The following PRKG1 variants were observed in gnomAD, a reference collection of about 807,000 sequenced individuals.
The protein encoded by PRKG1 is cGMP-dependent protein kinase 1.
Under a neutral mutation model 88.1 loss-of-function variants are expected in PRKG1, and 35 were observed. The observed-to-expected ratio is 0.40, with a 90% confidence interval of 0.30 to 0.53. The LOEUF is 0.53. Ranked by LOEUF, PRKG1 falls within the 20% of genes least tolerant of loss-of-function variation. PRKG1 has a pLI of 0.59. For synonymous variants in PRKG1, 303 were observed against 292.5 expected (o/e 1.04, Z -0.37); for missense variants, 540 against 839.8 (o/e 0.64, Z 4.41).
intron 3 of PRKG1, among the ~76,000 whole-genome samples, chr10:51,507,663 G>C (rs1841263743): frequency 6.6e-6 from 1 of 152,090 alleles, no homozygotes. Flanking sequence ...GAGTGACCTG[G>C]TTGAGAGAAA....
At chr10:51,342,066 T>G (rs1228168219) in intron 2 of PRKG1, among the ~76,000 whole-genome samples, 1 of 152,162 alleles carries the variant, frequency 6.6e-6, no homozygotes, top group Non-Finnish European at 1.5e-5. Context: ...GTAACCGATA[T>G]TAGATACCAG....
intron 3 of PRKG1, among the ~76,000 whole-genome samples, chr10:51,531,788 G>A (rs897772940): frequency 2.0e-5 from 3 of 151,462 alleles, no homozygotes; most frequent in Admixed American, 6.6e-5. Context: ...GGGATTACAG[G>A]CTCCCGACAC....
chr10:51,301,683 G>A (rs1359072010), intron 2 of PRKG1, among the ~76,000 whole-genome samples: 1 of 152,200 alleles, frequency 6.6e-6, no homozygotes, highest in African/African-American at 2.4e-5. Context: ...AAGCCAAGCT[G>A]GCCCAGTCAG....
chr10:52,125,588 T>C (rs1390753452), intron 7 of PRKG1: 2 of 152,152 alleles, frequency 1.3e-5, no homozygotes, highest in African/African-American at 4.8e-5. Flanking sequence ...TTGGAACACG[T>C]TTCTGTTTGT....
intron 3 of PRKG1, among the ~76,000 whole-genome samples, chr10:51,479,850 A>C (rs1226687965): frequency 6.6e-6 from 1 of 152,054 alleles, no homozygotes; most frequent in Non-Finnish European, 1.5e-5. Flanking sequence ...GCACGCCTTC[A>C]CAGCATTTGA....
chr10:51,869,325 T>C (rs1289058055), intron 4 of PRKG1, among the ~76,000 whole-genome samples: 1 of 152,190 alleles, frequency 6.6e-6, no homozygotes, highest in Admixed American at 6.5e-5. Context: ...ATGCATTGTT[T>C]ATCATAGACA....
At chr10:51,826,064 AG>A (rs2132740540) in intron 4 of PRKG1, among the ~76,000 whole-genome samples, 1 of 152,296 alleles carries the variant, frequency 6.6e-6, no homozygotes, top group East Asian at 1.9e-4. Flanking sequence ...TATTAGGGTA[AG>A]GGGCCATCAT....
intron 2 of PRKG1, among the ~76,000 whole-genome samples, chr10:51,222,802 C>A (rs113326705): frequency 0.02 from 2,995 of 152,034 alleles, 80 homozygotes; most frequent in African/African-American, 0.066. Context: ...CACAACACCC[C>A]CTCTAAGTTT....
rs574071517 is a variant in PRKG1 at position 52,083,847 on chromosome 10, T to C, written c.935+21216T>C. On this transcript the variant is annotated intron_variant, in intron 7 of 17. Coordinates refer to ENST00000373980, the MANE Select transcript of PRKG1 (RefSeq NM_006258.4). ...TTTAGTCTAGCAATATTAGTAAATA[T>C]TGCTACAAGTATAAAGAAGCAAATC... is the stretch of plus-strand genomic sequence containing the variant. Among the ~76,000 whole-genome samples the C allele has an allele frequency of 8.4e-4, 128 of 152,124 alleles. No homozygotes were observed. The South Asian group carries it at 9.3e-3, about 11-fold the overall frequency.
chr10:51,327,424 A>C (rs569909297), intron 2 of PRKG1, among the ~76,000 whole-genome samples: 1 of 152,176 alleles, frequency 6.6e-6, no homozygotes, highest in South Asian at 2.1e-4. Flanking sequence ...CTCAAAAAAA[A>C]AAAAAAAAGT....
At chr10:52,099,191 G>A (rs568842508) in intron 7 of PRKG1, among the ~76,000 whole-genome samples, 1 of 85,608 alleles carries the variant, frequency 1.2e-5, no homozygotes, top group Admixed American at 1.4e-4. Flanking sequence ...TAAAATTACA[G>A]TGTAATCTCA....
intron 4 of PRKG1, among the ~76,000 whole-genome samples, chr10:51,809,789 T>A (rs1448023462): frequency 6.6e-6 from 1 of 152,144 alleles, no homozygotes; most frequent in Non-Finnish European, 1.5e-5. Context: ...ATTAAACCTT[T>A]CCATATCTTC....
At chr10:51,603,711 G>T (rs189940451) in intron 3 of PRKG1, among the ~76,000 whole-genome samples, 5 of 152,304 alleles carry the variant, frequency 3.3e-5, no homozygotes, top group African/African-American at 1.2e-4. Context: ...TGCAGCTTAT[G>T]ATTTAGCACA....
At chr10:51,569,532 G>A (rs143150105) in intron 3 of PRKG1, among the ~76,000 whole-genome samples, 34 of 151,992 alleles carry the variant, frequency 2.2e-4, no homozygotes, top group Middle Eastern at 3.4e-3. Context: ...CTAAGCACTC[G>A]GATGAGTACT....
At chr10:51,719,870 C>G (rs568333367) in intron 3 of PRKG1, among the ~76,000 whole-genome samples, 23 of 152,208 alleles carry the variant, frequency 1.5e-4, no homozygotes, top group Middle Eastern at 6.8e-3. Flanking sequence ...GATGATTAAA[C>G]TGAGTTTGAG....
chr10:51,834,944 A>C (rs1564667360), intron 4 of PRKG1, among the ~76,000 whole-genome samples: 1 of 152,060 alleles, frequency 6.6e-6, no homozygotes, highest in African/African-American at 2.4e-5. Flanking sequence ...GTCTTAGAAA[A>C]ATGTATAAAG....
At chr10:52,285,060 A>G (rs1842085304) in intron 14 of PRKG1, among the ~76,000 whole-genome samples, 1 of 151,982 alleles carries the variant, frequency 6.6e-6, no homozygotes, top group South Asian at 2.1e-4. Flanking sequence ...TAGGCGGCCC[A>G]ATCTAAGGAT....
chr10:51,607,664 G>A (rs1021493674), intron 3 of PRKG1, among the ~76,000 whole-genome samples: 1 of 152,124 alleles, frequency 6.6e-6, no homozygotes, highest in Non-Finnish European at 1.5e-5. Flanking sequence ...ATCCCTCCCC[G>A]CTGCCCAGGA....
intron 3 of PRKG1, among the ~76,000 whole-genome samples, chr10:51,625,182 A>G (rs964064082): frequency 9.2e-5 from 14 of 152,196 alleles, no homozygotes; most frequent in African/African-American, 2.9e-4. Context: ...GTGTACAATT[A>G]TAAATAAAAA....
Sources: allele counts gnomAD v4.1 joint callset (sites outside exome capture counted in the v4.1 genomes callset), GRCh38; gene constraint gnomAD v4.1.1; transcripts MANE v1.5; gene names NCBI Gene and HGNC (gene_info 2026-07-23, HGNC 2026-07-21).